BCL11B: variants seen among roughly 807,000 people sequenced by gnomAD.
BCL11B encodes the protein B-cell lymphoma/leukemia 11B.
In BCL11B, 8 loss-of-function variants were observed where a neutral mutation model predicts 49.9. The ratio of observed to expected loss-of-function variants is 0.16; its 90% CI spans 0.09 to 0.29. BCL11B has a LOEUF of 0.29. Ranked by LOEUF, BCL11B falls within the 10% of genes least tolerant of loss-of-function variation. The probability of loss-of-function intolerance (pLI) is 1.00; values close to 1 mark genes in which losing one functional copy is unlikely to be tolerated. For synonymous variants in BCL11B, 739 were observed against 637.4 expected (o/e 1.16, Z -2.40); for missense variants, 1,006 against 1,351.0 (o/e 0.74, Z 4.00).
rs1886468738 is a variant in BCL11B, at chr14:99,175,351, G to C, written c.1485C>G (p.Ala495=). 6.4e-7 allele frequency: 1 copy of C among 1,563,056 alleles called. No individual in the cohort carries two copies. The highest frequency in any genetic ancestry group is 1.8e-5 in the Admixed American group (1 of 54,556). The change falls in exon 4 of 4, where the codon GCC becomes GCG. Residue 495 remains alanine (A), a synonymous_variant. Coordinates refer to ENST00000357195, the MANE Select transcript of BCL11B (RefSeq NM_138576.4). ...CGCTGGTGCCGGGCTCGGGGGAGCTGGCGGCCGAGAGCCCGTCGTCGGAGC... is the reference window on the plus strand; with the variant it reads ...CGCTGGTGCCGGGCTCGGGGGAGCTCGCGGCCGAGAGCCCGTCGTCGGAGC... ...AGRSDDGLSA[A]SSPEPGTSEL... is the part of the protein sequence containing the mutation.
intron 3 of BCL11B, among the ~76,000 whole-genome samples, chr14:99,220,902 G>T (rs1012429004): frequency 1.3e-5 from 2 of 152,116 alleles, no homozygotes; most frequent in Admixed American, 1.3e-4. Context: ...CCAGGCTGGA[G>T]TGCAATGCTG....
At chr14:99,199,640 C>CTCTGTGTGTGTGTGTG (rs1168964373) in intron 3 of BCL11B, among the ~76,000 whole-genome samples, 6 of 109,584 alleles carry the variant, frequency 5.5e-5, no homozygotes, top group African/African-American at 2.2e-4. Flanking sequence ...TGGCTAAATG[C>CTCTGTGTGTGTGTGTG]TGTGTGTGTG....
chr14:99,186,524 A>G (rs1349019209), intron 3 of BCL11B, among the ~76,000 whole-genome samples: 1 of 152,222 alleles, frequency 6.6e-6, no homozygotes, highest in Non-Finnish European at 1.5e-5. Flanking sequence ...CGTCTCAAAA[A>G]AAAGTGCATC....
At chr14:99,259,016 T>C (rs966799039) in intron 1 of BCL11B, among the ~76,000 whole-genome samples, 1 of 151,870 alleles carries the variant, frequency 6.6e-6, no homozygotes, top group African/African-American at 2.4e-5. Context: ...AAAAGTGTCA[T>C]AAATAAAGAG....
chr14:99,206,427 A>G (rs1250305045), intron 3 of BCL11B, among the ~76,000 whole-genome samples: 1 of 152,202 alleles, frequency 6.6e-6, no homozygotes, highest in African/African-American at 2.4e-5. Flanking sequence ...TTCCAGAAAT[A>G]AACAATTCAT....
At chr14:99,201,291 T>C (rs1235330301) in intron 3 of BCL11B, among the ~76,000 whole-genome samples, 1 of 152,184 alleles carries the variant, frequency 6.6e-6, no homozygotes, top group East Asian at 1.9e-4. Context: ...TAAAAAGTTG[T>C]CACACACAAT....
At chr14:99,215,276 C>T (rs547079551) in intron 3 of BCL11B, among the ~76,000 whole-genome samples, 34 of 152,284 alleles carry the variant, frequency 2.2e-4, no homozygotes, top group Middle Eastern at 3.4e-3. Context: ...TTAATTAAAA[C>T]TAAGAAAACT....
chr14:99,244,807 C>T (rs542653587), intron 2 of BCL11B, among the ~76,000 whole-genome samples: 16 of 152,310 alleles, frequency 1.1e-4, no homozygotes, highest in Non-Finnish European at 1.8e-4. Context: ...AACGCCATGA[C>T]GGTGCCGTTT....
At chr14:99,191,440 T>G (rs1381638927) in intron 3 of BCL11B, among the ~76,000 whole-genome samples, 8 of 145,290 alleles carry the variant, frequency 5.5e-5, no homozygotes, top group South Asian at 4.4e-4. Context: ...AAGTGGGGAG[T>G]CAGGAAGAGA....
chr14:99,238,053 C>T (rs1234799955), intron 2 of BCL11B, among the ~76,000 whole-genome samples: 1 of 152,078 alleles, frequency 6.6e-6, no homozygotes, highest in African/African-American at 2.4e-5. Context: ...CCACAGGCCA[C>T]CCACGACCCT....
chr14:99,252,760 T>G (rs758648336), intron 2 of BCL11B, among the ~76,000 whole-genome samples: 4 of 152,256 alleles, frequency 2.6e-5, no homozygotes, highest in Non-Finnish European at 5.9e-5. Context: ...GAGGCAGGCC[T>G]ATGAGTGACA....
At chr14:99,222,262 A>G (rs201278672) in intron 3 of BCL11B, among the ~76,000 whole-genome samples, 2 of 31,388 alleles carry the variant, frequency 6.4e-5, no homozygotes, top group African/African-American at 1.5e-4. Context: ...CCAGTGGGGG[A>G]AAAAAAATGG....
intron 3 of BCL11B, among the ~76,000 whole-genome samples, chr14:99,217,016 GCT>G (rs1317064116): frequency 6.6e-6 from 1 of 151,566 alleles, no homozygotes; most frequent in Non-Finnish European, 1.5e-5. Flanking sequence ...ATGCACATAT[GCT>G]CTCACATCTA....
In BCL11B at chr14:99,171,428, C is replaced by A; in HGVS notation, c.*2723G>T. 1.0e-5 allele frequency: 2 copies of A among 195,974 alleles called. No individual in the cohort carries two copies. The highest frequency in any genetic ancestry group is 1.0e-5 in the Non-Finnish European group (1 of 97,940). The allele number at this position is 195,974 out of a possible 1,614,324, so 12.1% of individuals were successfully genotyped here. A position where few individuals can be genotyped will look rare whatever the true frequency, so the allele number is the denominator to read the frequency against. On this transcript the variant is annotated 3_prime_UTR_variant, in exon 4 of 4. Coordinates refer to ENST00000357195, the MANE Select transcript of BCL11B (RefSeq NM_138576.4). Reference sequence around the variant, plus strand: ...GCCTGTTTGTTTTTGTTTTTTTTTTCTTTTTATTTCCAAATTCACTAACAA... The same window carrying A: ...GCCTGTTTGTTTTTGTTTTTTTTTTATTTTTATTTCCAAATTCACTAACAA...
chr14:99,174,897 C>T lies in BCL11B; in HGVS notation c.1939G>A (p.Ala647Thr), dbSNP rs2139755575. Residue 647 changes from alanine (A) to threonine (T), a missense_variant, in exon 4 of 4, where the codon GCG becomes ACG. Around this residue, in one of 6 missense-constraint regions of BCL11B, gnomAD observed 443 missense variants for 499.7 expected, o/e 0.89. Coordinates refer to ENST00000357195, the MANE Select transcript of BCL11B (RefSeq NM_138576.4). ...DDAGGCGDAG[A>T]GGAVNGRGGG... ...CCGCGCCCGTTGACCGCGCCGCCCG[C>T]GCCCGCGTCCCCGCAGCCGCCCGCG... is the stretch of plus-strand genomic sequence containing the variant. The T allele has an allele frequency of 2.8e-6, 3 of 1,079,052 alleles. No homozygotes were observed. Among genetic ancestry groups the T allele is most frequent in the Non-Finnish European group, 1.1e-6 (1 of 889,510 alleles). The allele number at this position is 1,079,052 out of a possible 1,614,324, so 66.8% of individuals were successfully genotyped here. A position where few individuals can be genotyped will look rare whatever the true frequency, so the allele number is the denominator to read the frequency against.
intron 2 of BCL11B, among the ~76,000 whole-genome samples, chr14:99,239,810 C>CT (rs1158527151): frequency 1.3e-5 from 2 of 152,172 alleles, no homozygotes; most frequent in African/African-American, 4.8e-5. Flanking sequence ...CCAATGCTGG[C>CT]TTTTGCTCAA....
intron 3 of BCL11B, among the ~76,000 whole-genome samples, chr14:99,225,184 A>G (rs1291378201): frequency 6.6e-6 from 1 of 152,180 alleles, no homozygotes; most frequent in African/African-American, 2.4e-5. Context: ...AACTCAAGAG[A>G]GGTAGTATGG....
At position 99,187,411 on chromosome 14, in the gene BCL11B, A is replaced by G. The variant is rs1391214858; in HGVS notation, c.641-11216T>C. On this transcript the variant is annotated intron_variant, in intron 3 of 3. Transcript: ENST00000357195. ...GAAATAATAAAGAATGCGTTGTCAG[A>G]GTCCCTTGAAATCTGCTTTCTGTGA... Among the ~76,000 whole-genome samples the G allele has an allele frequency of 2.6e-5, 4 of 152,320 alleles. No individual in the cohort carries two copies. The South Asian group carries it at 6.2e-4, about 24-fold the overall frequency.
intron 3 of BCL11B, among the ~76,000 whole-genome samples, chr14:99,214,269 G>T (rs879926795): frequency 6.6e-6 from 1 of 152,176 alleles, no homozygotes; most frequent in African/African-American, 2.4e-5. Flanking sequence ...GAATCCAGGT[G>T]TGGCCAGGTG....
Sources: allele counts gnomAD v4.1 joint callset (sites outside exome capture counted in the v4.1 genomes callset), GRCh38; gene constraint gnomAD v4.1.1; regional missense constraint gnomAD v4.1.1; transcripts MANE v1.5; gene names NCBI Gene and HGNC (gene_info 2026-07-23, HGNC 2026-07-21).